Variants in DNAH6 observed in about 807,000 individuals in gnomAD.
DNAH6 encodes the protein axonemal beta dynein heavy chain 6.
In DNAH6, 340 loss-of-function variants were observed where a neutral mutation model predicts 491.4. The ratio of observed to expected loss-of-function variants is 0.69; its 90% CI spans 0.63 to 0.76. DNAH6 has a LOEUF of 0.76. DNAH6 is among the 30% of genes least tolerant of loss of function. The pLI is 0.00. For missense variants in DNAH6, 4,443 were observed against 4,972.2 expected (o/e 0.89, Z 3.20); for synonymous variants, 1,603 against 1,686.1 (o/e 0.95, Z 1.21).
At chr2:84,785,038 C>T (rs1021467968) in intron 66 of DNAH6, among the ~76,000 whole-genome samples, 3 of 152,126 alleles carry the variant, frequency 2.0e-5, no homozygotes, top group African/African-American at 7.2e-5. Context: ...CAGCCGTCAC[C>T]CTCACAAGAA....
At chr2:84,704,378 A>G in intron 51 of DNAH6, 76 bp downstream of exon 51, 1 of 1,091,964 alleles carries the variant, frequency 9.2e-7, no homozygotes, top group African/African-American at 1.6e-5. Context: ...GGTAATGTAT[A>G]TATTCATTCC....
chr2:84,651,435 G>A (rs1167016968), intron 33 of DNAH6, among the ~76,000 whole-genome samples: 2 of 152,220 alleles, frequency 1.3e-5, no homozygotes, highest in African/African-American at 2.4e-5. Context: ...CGCACTCAGT[G>A]TCTGCTGGTG....
At chr2:84,574,638 A>G (rs1682245263) in intron 12 of DNAH6, among the ~76,000 whole-genome samples, 1 of 152,176 alleles carries the variant, frequency 6.6e-6, no homozygotes, top group African/African-American at 2.4e-5. Flanking sequence ...GCCTACTTCC[A>G]CTGTTCTTTG....
At chr2:84,633,765 G>T (rs544732684) in intron 29 of DNAH6, among the ~76,000 whole-genome samples, 10 of 151,438 alleles carry the variant, frequency 6.6e-5, no homozygotes, top group Non-Finnish European at 1.5e-4. Context: ...GCAGGTACAG[G>T]TATAAGTGTG....
chr2:84,575,371 A>G (rs1682319452), intron 12 of DNAH6, among the ~76,000 whole-genome samples: 1 of 152,170 alleles, frequency 6.6e-6, no homozygotes, highest in African/African-American at 2.4e-5. Flanking sequence ...GCATTTACTA[A>G]TAATTTCTAC....
Position 84,776,072 on chromosome 2 carries a change from A to C in DNAH6, c.10704-5421A>C, listed in dbSNP as rs144547381. On this transcript the variant is annotated intron_variant, in intron 64 of 76. Coordinates refer to ENST00000389394, the MANE Select transcript of DNAH6 (RefSeq NM_001370.2). ...GTTTATATGTAGATCTTTTCACATT[A>C]TATTGTAATGTACACTATTGACATA... Among the ~76,000 whole-genome samples the C allele has an allele frequency of 7.2e-3, 1,091 of 152,250 alleles. 11 individuals carry two copies. Among genetic ancestry groups the C allele is most frequent in the African/African-American group, 0.024 (1,007 of 41,536 alleles).
intron 21 of DNAH6, among the ~76,000 whole-genome samples, chr2:84,608,751 CAAA>C (rs1686025715): frequency 6.6e-6 from 1 of 152,140 alleles, no homozygotes; most frequent in African/African-American, 2.4e-5. Context: ...GGTTCTAACT[CAAA>C]GTCACCAGCT....
chr2:84,797,068 A>G (rs1678425142), intron 69 of DNAH6, among the ~76,000 whole-genome samples: 2 of 150,942 alleles, frequency 1.3e-5, no homozygotes, highest in East Asian at 1.9e-4. Context: ...GCTGGATTCA[A>G]CTGTATATCC....
At chr2:84,576,155 A>G (rs551319691) in intron 12 of DNAH6, among the ~76,000 whole-genome samples, 3 of 152,210 alleles carry the variant, frequency 2.0e-5, no homozygotes, top group Non-Finnish European at 2.9e-5. Flanking sequence ...CATACGACTT[A>G]TCAGATCATT....
At chr2:84,701,426 C>G in intron 49 of DNAH6, 87 bp downstream of exon 49, 5 of 1,358,964 alleles carry the variant, frequency 3.7e-6, no homozygotes, top group Non-Finnish European at 3.0e-6. Flanking sequence ...ACTGTCTTAC[C>G]TGTCAGGGCC....
chr2:84,516,436 T>G (rs1433812126), upstream of DNAH6: 2 of 152,220 alleles, frequency 1.3e-5, no homozygotes, highest in African/African-American at 4.8e-5. Flanking sequence ...CCTGGCGACG[T>G]GTTACTCAGT....
At chr2:84,616,748 A>G (rs1168132743) in intron 22 of DNAH6, 138 bp from the exon 23 acceptor site, 5 of 477,498 alleles carry the variant, frequency 1.0e-5, no homozygotes, top group East Asian at 7.3e-5. Context: ...AATTCAAAGC[A>G]TATTTTTATA....
chr2:84,464,048 G>T, the DNAH6 span, among the ~76,000 whole-genome samples: 1 of 152,102 alleles, frequency 6.6e-6, no homozygotes, highest in Non-Finnish European at 1.5e-5. Context: ...TAAATTCCTG[G>T]AGTGATGCTA....
chr2:84,557,635 C>T (rs1436135383), intron 10 of DNAH6, 100 bp from the exon 11 acceptor site: 13 of 237,420 alleles, frequency 5.5e-5, no homozygotes, highest in Admixed American at 2.6e-4. Context: ...CCGGCCTGGG[C>T]GACAGAGCGA....
chr2:84,529,221 A>G (rs988784330), intron 4 of DNAH6, 55 bp downstream of exon 4: 6 of 1,227,560 alleles, frequency 4.9e-6, no homozygotes, highest in South Asian at 4.8e-5. Context: ...AAGATTTCAC[A>G]TATTATTTAT....
chr2:84,563,391 T>C (rs1287575722), intron 11 of DNAH6, among the ~76,000 whole-genome samples: 1 of 152,146 alleles, frequency 6.6e-6, no homozygotes, highest in Non-Finnish European at 1.5e-5. Flanking sequence ...TCCCTAGGTA[T>C]GGAGAAATAA....
rs771653965 is a variant in DNAH6 at position 84,715,635 on chromosome 2, A to G, written c.9611+8A>G. The G allele has an allele frequency of 4.5e-6, 7 of 1,551,332 alleles. No individual in the cohort carries two copies. The highest frequency in any genetic ancestry group is 6.1e-6 in the Non-Finnish European group (7 of 1,146,752). On this transcript the variant is annotated splice_region_variant and intron_variant, in intron 58 of 76. Coordinates refer to ENST00000389394, the MANE Select transcript of DNAH6 (RefSeq NM_001370.2). Reference sequence around the variant, plus strand: ...GGAGGATCAGTTGTTAAGGTAAAAAAACAGGGAGTTGAGGGGAGGGAAGGG... The same window carrying G: ...GGAGGATCAGTTGTTAAGGTAAAAAGACAGGGAGTTGAGGGGAGGGAAGGG...
At chr2:84,636,140 T>C (rs1688857518) in intron 30 of DNAH6, among the ~76,000 whole-genome samples, 2 of 152,180 alleles carry the variant, frequency 1.3e-5, no homozygotes, top group African/African-American at 4.8e-5. Context: ...CTGCTGCCAA[T>C]TTTGATCCTA....
At chr2:84,666,299 AG>A in intron 37 of DNAH6, among the ~76,000 whole-genome samples, 1 of 152,312 alleles carries the variant, frequency 6.6e-6, no homozygotes, top group Middle Eastern at 3.4e-3. Context: ...TTAGGAAAAG[AG>A]GAAGTCAAAT....
Sources: gnomAD v4.1 joint callset for allele counts (sites outside exome capture counted in the v4.1 genomes callset) on GRCh38, gnomAD v4.1.1 for gene constraint, MANE v1.5 for transcripts, NCBI Gene and HGNC (gene_info 2026-07-23, HGNC 2026-07-21) for gene names.